PELI1: variants seen among roughly 807,000 people sequenced by gnomAD.
PELI1 encodes the protein pellino E3 ubiquitin protein ligase 1.
PELI1 carries 15 observed loss-of-function variants against 41.3 expected under a neutral mutation model. The ratio of observed to expected loss-of-function variants is 0.36; its 90% CI spans 0.24 to 0.56. The LOEUF (loss-of-function observed/expected upper bound fraction) is 0.56. Among genes scored for constraint, PELI1 ranks in the 20% least tolerant of loss-of-function variants. PELI1 has a pLI of 0.82. For missense variants in PELI1, 403 were observed against 525.5 expected, an observed-to-expected ratio of 0.77 and a Z score of 2.28; for synonymous variants, 178 against 180.1, an observed-to-expected ratio of 0.99 and a Z score of 0.09.
chr2:64,093,533 G>A lies in PELI1; in HGVS notation c.*1169C>T, dbSNP rs903382419. 2 of 152,576 alleles carry A rather than the reference G, an allele frequency of 1.3e-5. No individual in the cohort carries two copies. The highest frequency in any genetic ancestry group is 2.4e-5 in the African/African-American group (1 of 41,428). The allele number at this position is 152,576 out of a possible 1,614,324, so 9.5% of individuals were successfully genotyped here. ...TTAGAGAATAAACAGACCATGCAGT[G>A]CGTCACTCCACGCTGCAGTCATTGG... is the stretch of plus-strand genomic sequence containing the variant. On this transcript the variant is annotated 3_prime_UTR_variant, in exon 7 of 7. Transcript: ENST00000358912.
intron 1 of PELI1, among the ~76,000 whole-genome samples, chr2:64,124,447 T>A (rs189666165): frequency 2.0e-5 from 3 of 152,308 alleles, no homozygotes; most frequent in Admixed American, 6.5e-5. Flanking sequence ...TTATGCAACT[T>A]TATAACCTAC....
chr2:64,136,037 G>T (rs2103743213), intron 1 of PELI1, among the ~76,000 whole-genome samples: 1 of 152,146 alleles, frequency 6.6e-6, no homozygotes, highest in East Asian at 1.9e-4. Flanking sequence ...TCTTCCGTCA[G>T]AAGTTATTCA....
At chr2:64,117,804 T>G (rs1285726200) in intron 1 of PELI1, among the ~76,000 whole-genome samples, 1 of 152,096 alleles carries the variant, frequency 6.6e-6, no homozygotes, top group African/African-American at 2.4e-5. Flanking sequence ...ATCATAATGT[T>G]TTCCCAATAA....
chr2:64,141,314 C>T (rs551540897), intron 1 of PELI1, among the ~76,000 whole-genome samples: 4 of 147,654 alleles, frequency 2.7e-5, no homozygotes, highest in Non-Finnish European at 6.0e-5. Flanking sequence ...GCCCCCACCC[C>T]AAAGGAGCTC....
intron 1 of PELI1, among the ~76,000 whole-genome samples, chr2:64,139,220 A>C (rs925932925): frequency 6.6e-6 from 1 of 152,184 alleles, no homozygotes; most frequent in African/African-American, 2.4e-5. Context: ...AAGCCTCTTA[A>C]GTCTCTTTTA....
chr2:64,113,660 G>A (rs1309029817), intron 1 of PELI1, among the ~76,000 whole-genome samples: 1 of 152,090 alleles, frequency 6.6e-6, no homozygotes, highest in Admixed American at 6.6e-5. Context: ...CTGGAATAGT[G>A]TTATTTTCTT....
rs1397913029 is a variant in PELI1, at chr2:64,142,903, G to C, written c.-70+1178C>G. Among the ~76,000 whole-genome samples the C allele has an allele frequency of 4.6e-5, 7 of 152,252 alleles. No homozygotes were observed. The East Asian group carries it at 1.4e-3, about 29-fold the overall frequency. On this transcript the variant is annotated intron_variant, in intron 1 of 6. Transcript: ENST00000358912. ...AACAAAGTAACATTTTGCAGAGTAAGAAAAAGTAAAGAGCCTGTGAACCGA... is the reference window on the plus strand; with the variant it reads ...AACAAAGTAACATTTTGCAGAGTAACAAAAAGTAAAGAGCCTGTGAACCGA...
chr2:64,104,724 C>A lies in PELI1; in HGVS notation c.178G>T (p.Ala60Ser). ...NGVKPSTVHI[A>S]CTPQAAKAIS... ...ACCTTTGCAGCCTGAGGAGTACAAG[C>A]AATATGCACAGTGCTGGGCTTCACC... The change falls in exon 3 of 7, where the codon GCT (alanine) becomes TCT (serine). Residue 60 changes from alanine to serine, a missense_variant. Ala to Ser is a moderately conservative substitution (Grantham distance 99). Coordinates refer to ENST00000358912, the MANE Select transcript of PELI1 (RefSeq NM_020651.4). The A allele has an allele frequency of 6.2e-7, 1 of 1,601,750 alleles. No individual in the cohort carries two copies. Among genetic ancestry groups the A allele is most frequent in the Non-Finnish European group, 8.5e-7 (1 of 1,176,276 alleles).
intron 1 of PELI1, among the ~76,000 whole-genome samples, chr2:64,118,886 C>T (rs186038546): frequency 1.8e-4 from 28 of 152,208 alleles, no homozygotes; most frequent in Admixed American, 8.5e-4. Context: ...ACAATGACAG[C>T]ATCACCATTC....
intron 1 of PELI1, among the ~76,000 whole-genome samples, chr2:64,119,528 T>C (rs1231806013): frequency 6.6e-6 from 1 of 152,182 alleles, no homozygotes; most frequent in African/African-American, 2.4e-5. Flanking sequence ...CTTAAGCACC[T>C]CGTAACGTGT....
intron 1 of PELI1, among the ~76,000 whole-genome samples, chr2:64,131,853 T>A (rs770464564): frequency 6.6e-6 from 1 of 152,072 alleles, no homozygotes. Flanking sequence ...ACTCCTGACC[T>A]CAAATGATCC....
At chr2:64,097,155 G>A (rs914077361) in intron 4 of PELI1, among the ~76,000 whole-genome samples, 1 of 152,080 alleles carries the variant, frequency 6.6e-6, no homozygotes, top group African/African-American at 2.4e-5. Flanking sequence ...CTTGCTTTGA[G>A]GTCTTATGTA....
intron 1 of PELI1, among the ~76,000 whole-genome samples, chr2:64,135,453 C>T (rs973852830): frequency 2.3e-4 from 35 of 152,088 alleles, no homozygotes; most frequent in Non-Finnish European, 5.1e-4. Flanking sequence ...TACTTGCCAT[C>T]CACAGGTTAC....
chr2:64,100,628 T>C, intron 3 of PELI1, 129 bp from the exon 4 acceptor site: 2 of 673,434 alleles, frequency 3.0e-6, no homozygotes, highest in Non-Finnish European at 5.3e-6. Context: ...CCCTGAAATT[T>C]AGAGAGGTTA....
At chr2:64,096,374 G>C in intron 5 of PELI1, 39 bp downstream of exon 5, 1 of 1,591,696 alleles carries the variant, frequency 6.3e-7, no homozygotes, top group Non-Finnish European at 8.6e-7. Flanking sequence ...ATGAAAGCTA[G>C]TATAAAAGAA....
At chr2:64,112,637 C>T (rs1680841361) in intron 1 of PELI1, among the ~76,000 whole-genome samples, 1 of 152,180 alleles carries the variant, frequency 6.6e-6, no homozygotes, top group South Asian at 2.1e-4. Context: ...CACAGGAACA[C>T]ATTCAATCTT....
At chr2:64,133,478 T>TA (rs1681624184) in intron 1 of PELI1, among the ~76,000 whole-genome samples, 1 of 152,056 alleles carries the variant, frequency 6.6e-6, no homozygotes, top group Non-Finnish European at 1.5e-5. Flanking sequence ...CAGTGCTGTA[T>TA]AAAAAAGTTA....
rs772439618 is a variant in PELI1, at chr2:64,096,422, G to C, written c.492C>G (p.Ile164Met). 12 of 1,607,776 alleles carry C rather than the reference G, an allele frequency of 7.5e-6. No individual in the cohort carries two copies. Among genetic ancestry groups the C allele is most frequent in the Non-Finnish European group, 8.5e-6 (10 of 1,175,264 alleles). The change falls in exon 5 of 7, where the codon ATC (isoleucine) becomes ATG (methionine). Residue 164 changes from isoleucine (I) to methionine (M), a missense_variant. Ile to Met is a conservative substitution (Grantham distance 10). Coordinates refer to ENST00000358912, the MANE Select transcript of PELI1 (RefSeq NM_020651.4). ...AAAAAAAGCTTTTTACCCCAAGAAA[G>C]ATGTTTTTTGATGAGTCAAATCCTG... ...YAAGFDSSKN[I>M]FLGEKAAKWK... is the part of the protein sequence containing the mutation.
intron 1 of PELI1, among the ~76,000 whole-genome samples, chr2:64,114,387 A>G (rs1486101572): frequency 5.3e-5 from 8 of 152,216 alleles, no homozygotes; most frequent in African/African-American, 1.9e-4. Context: ...CAGCAGGAGT[A>G]ACACATAGCA....
Sources: allele counts gnomAD v4.1 joint callset (sites outside exome capture counted in the v4.1 genomes callset), GRCh38; gene constraint gnomAD v4.1.1; transcripts MANE v1.5; gene names NCBI Gene and HGNC (gene_info 2026-07-23, HGNC 2026-07-21).